Variants in FBXL13 observed in about 807,000 individuals in gnomAD.
FBXL13 encodes the protein F-box and leucine rich repeat protein 13, also known as F-box and leucine-rich repeat protein 13.
Under a neutral mutation model 83.6 loss-of-function variants are expected in FBXL13, and 67 were observed. The ratio of observed to expected loss-of-function variants is 0.80; its 90% CI spans 0.66 to 0.98. FBXL13 has a LOEUF of 0.98. Ranked by LOEUF, FBXL13 falls within the 50% of genes least tolerant of loss-of-function variation. The probability of loss-of-function intolerance (pLI) is 0.00; values close to 1 mark genes in which losing one functional copy is unlikely to be tolerated. For missense variants in FBXL13, 822 were observed against 866.5 expected (o/e 0.95, Z 0.64); for synonymous variants, 272 against 299.5 (o/e 0.91, Z 0.95).
At chr7:103,037,201 T>C (rs1238376074) in intron 2 of FBXL13, among the ~76,000 whole-genome samples, 2 of 152,234 alleles carry the variant, frequency 1.3e-5, no homozygotes, top group Non-Finnish European at 2.9e-5. Flanking sequence ...TTTATTTTGA[T>C]GCCTTATCAG....
rs547716913 is a variant in FBXL13, at chr7:102,849,355, C to T, written c.1719+5422G>A. ...AAGTCAATACATCTGAGGCTCCAGA[C>T]ACTGACTCTGCGTGTGCTGTGGTTT... On this transcript the variant is annotated intron_variant, in intron 17 of 19. Transcript: ENST00000313221. Among the ~76,000 whole-genome samples the T allele has an allele frequency of 1.7e-3, 255 of 152,336 alleles. 1 individual carries two copies. Among genetic ancestry groups the T allele is most frequent in the African/African-American group, 5.6e-3 (234 of 41,574 alleles).
Position 102,817,768 on chromosome 7 carries a change from T to G in FBXL13, c.2019-4237A>C, listed in dbSNP as rs79697668. Among the ~76,000 whole-genome samples the G allele has an allele frequency of 0.014, 2,141 of 152,312 alleles. 118 individuals carry two copies. In the East Asian group the frequency reaches 0.16, roughly 11 times the overall value. On this transcript the variant is annotated intron_variant, in intron 19 of 19. Coordinates refer to ENST00000313221, the Ensembl canonical transcript of FBXL13. Reference sequence around the variant, plus strand: ...AAACATGTATTCTTAGGAACCACTGTGTGTTCTAAATTCCATAGAGCACAT... The same window carrying G: ...AAACATGTATTCTTAGGAACCACTGGGTGTTCTAAATTCCATAGAGCACAT...
At chr7:102,956,512 T>C (rs944285351) in intron 8 of FBXL13, among the ~76,000 whole-genome samples, 2 of 152,084 alleles carry the variant, frequency 1.3e-5, no homozygotes, top group African/African-American at 4.8e-5. Context: ...CTATTGAACA[T>C]AGTATTAGAA....
intron 18 of FBXL13, among the ~76,000 whole-genome samples, chr7:102,826,753 A>ATATATATG (rs1562911342): frequency 1.1e-4 from 12 of 112,254 alleles, no homozygotes; most frequent in Non-Finnish European, 2.0e-4. Flanking sequence ...ATATATATAT[A>ATATATATG]TATATATATA....
chr7:103,028,660 G>A lies in FBXL13; in HGVS notation c.157C>T (p.Gln53Ter). The A allele has an allele frequency of 1.2e-6, 2 of 1,601,856 alleles. No individual in the cohort carries two copies. Among genetic ancestry groups the A allele is most frequent in the South Asian group, 1.1e-5 (1 of 88,324 alleles). The change falls in exon 4 of 20, where the codon CAA (glutamine) becomes TAA (stop). Residue 53 changes from glutamine (Q) to a stop codon, truncating the protein, a stop_gained. Transcript: ENST00000313221. LOFTEE classifies it high-confidence loss of function. ...TGCCAGTGATGAAATACAGATTTTTGAAGTCTGAAATTGTAGCATGTCACT... is the reference window on the plus strand; with the variant it reads ...TGCCAGTGATGAAATACAGATTTTTAAAGTCTGAAATTGTAGCATGTCACT...
chr7:102,836,118 G>A (rs894742370), intron 17 of FBXL13, among the ~76,000 whole-genome samples: 12 of 152,158 alleles, frequency 7.9e-5, no homozygotes, highest in African/African-American at 2.7e-4. Flanking sequence ...TGGACTGCTC[G>A]AATCAAATCT....
intron 1 of FBXL13, among the ~76,000 whole-genome samples, chr7:103,058,901 T>A (rs1480953453): frequency 6.6e-6 from 1 of 152,174 alleles, no homozygotes; most frequent in Non-Finnish European, 1.5e-5. Context: ...AGAGGATAAG[T>A]CTCTGAAATG....
chr7:102,968,198 T>C (rs1216994281), intron 6 of FBXL13, 81 bp from the exon 8 acceptor site: 3 of 850,866 alleles, frequency 3.5e-6, no homozygotes, highest in East Asian at 2.5e-5. Flanking sequence ...TCTGTGTGTG[T>C]GCACACATGT....
intron 8 of FBXL13, among the ~76,000 whole-genome samples, chr7:102,952,448 A>G (rs190650735): frequency 6.6e-6 from 1 of 152,368 alleles, no homozygotes; most frequent in East Asian, 1.9e-4. Flanking sequence ...TGACCAGGAA[A>G]ACAAGAGGAA....
At chr7:102,960,671 TG>T (rs1253768458) in intron 8 of FBXL13, among the ~76,000 whole-genome samples, 1 of 152,216 alleles carries the variant, frequency 6.6e-6, no homozygotes, top group Non-Finnish European at 1.5e-5. Flanking sequence ...GATGCAAGGC[TG>T]GTTCAATATA....
chr7:103,021,680 A>G (rs896923722), intron 6 of FBXL13, among the ~76,000 whole-genome samples: 5 of 152,252 alleles, frequency 3.3e-5, no homozygotes, highest in African/African-American at 1.2e-4. Context: ...AAGGATATGA[A>G]CAGACACTTC....
intron 2 of FBXL13, among the ~76,000 whole-genome samples, chr7:103,043,734 G>C (rs1423080956): frequency 6.6e-6 from 1 of 152,026 alleles, no homozygotes; most frequent in South Asian, 2.1e-4. Flanking sequence ...GGCTGGTCTT[G>C]AACTCCTGAC....
chr7:103,033,786 G>T, intron 2 of FBXL13, among the ~76,000 whole-genome samples: 1 of 152,194 alleles, frequency 6.6e-6, no homozygotes, highest in South Asian at 2.1e-4. Context: ...GGACCCCAGC[G>T]GGTTCCCAAT....
intron 17 of FBXL13, among the ~76,000 whole-genome samples, chr7:102,838,136 C>T (rs1325758239): frequency 6.6e-6 from 1 of 152,184 alleles, no homozygotes; most frequent in Non-Finnish European, 1.5e-5. Flanking sequence ...AGAGCACAGT[C>T]TGGGGGCCCA....
At chr7:102,829,031 G>C (rs1426272872) in intron 18 of FBXL13, among the ~76,000 whole-genome samples, 1 of 152,158 alleles carries the variant, frequency 6.6e-6, no homozygotes, top group Non-Finnish European at 1.5e-5. Flanking sequence ...GAACAGCCAG[G>C]CTCTGTTCCA....
intron 7 of FBXL13, among the ~76,000 whole-genome samples, chr7:102,965,021 G>C (rs1478858445): frequency 6.6e-6 from 1 of 152,046 alleles, no homozygotes; most frequent in Non-Finnish European, 1.5e-5. Context: ...TTCAATTCAG[G>C]GACAAAATGC....
chr7:102,977,753 G>T (rs1463845154), intron 6 of FBXL13, among the ~76,000 whole-genome samples: 2 of 152,168 alleles, frequency 1.3e-5, no homozygotes, highest in Admixed American at 1.3e-4. Context: ...ATGCACCATG[G>T]AATACTATGC....
At chr7:102,932,055 A>AGCATTCCGTAAGGC in intron 8 of FBXL13, 122 bp from the exon 10 acceptor site, 1 of 864,890 alleles carries the variant, frequency 1.2e-6, no homozygotes. Flanking sequence ...GGCAAGTAAC[A>AGCATTCCGTAAGGC]TGTTCTAAGT....
intron 6 of FBXL13, among the ~76,000 whole-genome samples, chr7:103,009,986 T>C (rs1048071803): frequency 3.3e-5 from 5 of 152,224 alleles, no homozygotes; most frequent in South Asian, 2.1e-4. Context: ...GCCCCACTTC[T>C]GTGTGAACTG....
Sources: allele counts gnomAD v4.1 joint callset (sites outside exome capture counted in the v4.1 genomes callset), GRCh38; gene constraint gnomAD v4.1.1; transcripts MANE v1.5; gene names NCBI Gene and HGNC (gene_info 2026-07-23, HGNC 2026-07-21).